The following GRIK4 variants were observed in gnomAD, a reference collection of about 807,000 sequenced individuals.
GRIK4 encodes the protein glutamate receptor ionotropic, kainate 4.
GRIK4 carries 40 observed loss-of-function variants against 104.9 expected under a neutral mutation model. The observed-to-expected ratio is 0.38, with a 90% CI of 0.30 to 0.50. The LOEUF (loss-of-function observed/expected upper bound fraction) is 0.50, where lower values mean the gene tolerates loss of function less well. Ranked by LOEUF, GRIK4 falls within the 20% of genes least tolerant of loss-of-function variation. The pLI, the probability that GRIK4 is intolerant of heterozygous loss-of-function variation, is 0.93. For synonymous variants in GRIK4, 485 were observed against 524.9 expected, an observed-to-expected ratio of 0.92 and a Z score of 1.04; for missense variants, 1,047 against 1,308.1, an observed-to-expected ratio of 0.80 and a Z score of 3.08.
chr11:120,700,410 A>G, intron 3 of GRIK4, among the ~76,000 whole-genome samples: 1 of 151,518 alleles, frequency 6.6e-6, no homozygotes, highest in Non-Finnish European at 1.5e-5. Context: ...AGTAGCTGGG[A>G]TTACAGGCAT....
chr11:120,793,210 G>A (rs1952435149), intron 3 of GRIK4, among the ~76,000 whole-genome samples: 1 of 152,170 alleles, frequency 6.6e-6, no homozygotes, highest in Non-Finnish European at 1.5e-5. Flanking sequence ...GGAAGGCAGA[G>A]TGCAGTGGGT....
intron 4 of GRIK4, among the ~76,000 whole-genome samples, chr11:120,807,376 C>T (rs1284484890): frequency 1.3e-5 from 2 of 152,206 alleles, no homozygotes; most frequent in Admixed American, 6.5e-5. Flanking sequence ...CCCTGTCAAC[C>T]CCTCCCCTGT....
chr11:120,689,048 G>A lies in GRIK4; in HGVS notation c.82+28648G>A, dbSNP rs551495150. Reference sequence around the variant, plus strand: ...CAGATGATCAATAACAATAGTCCTAGGTGCTAGGATGGAAGAAGGCCCCTG... The same window carrying A: ...CAGATGATCAATAACAATAGTCCTAAGTGCTAGGATGGAAGAAGGCCCCTG... On this transcript the variant is annotated intron_variant, in intron 3 of 20. Transcript: ENST00000527524. Among the ~76,000 whole-genome samples the A allele has an allele frequency of 3.3e-5, 5 of 152,276 alleles. 1 individual carries two copies. Among genetic ancestry groups the A allele is most frequent in the South Asian group, 4.2e-4 (2 of 4,818 alleles).
intron 8 of GRIK4, among the ~76,000 whole-genome samples, chr11:120,841,390 C>T (rs10790403): frequency 0.79 from 120,684 of 152,174 alleles, 47,947 homozygotes; most frequent in East Asian, 0.83. Flanking sequence ...TGTTTGGCTC[C>T]GTTTACTTAG....
chr11:120,655,329 A>G (rs1019494440), intron 2 of GRIK4, among the ~76,000 whole-genome samples: 1 of 152,002 alleles, frequency 6.6e-6, no homozygotes, highest in Non-Finnish European at 1.5e-5. Flanking sequence ...GGCAGAGGGC[A>G]CAGTGAAAAC....
At chr11:120,521,122 C>G (rs1240149665) in intron 1 of GRIK4, among the ~76,000 whole-genome samples, 4 of 151,994 alleles carry the variant, frequency 2.6e-5, no homozygotes, top group Admixed American at 2.6e-4. Context: ...GAGTTTCACT[C>G]TCACCCAGGC....
At chr11:120,659,685 C>T (rs1188145833) in intron 2 of GRIK4, among the ~76,000 whole-genome samples, 1 of 152,182 alleles carries the variant, frequency 6.6e-6, no homozygotes, top group Admixed American at 6.5e-5. Context: ...CTCTCCCATC[C>T]CTTCCTCTTC....
intron 3 of GRIK4, among the ~76,000 whole-genome samples, chr11:120,710,946 G>A (rs904410507): frequency 6.6e-6 from 1 of 151,368 alleles, no homozygotes; most frequent in Non-Finnish European, 1.5e-5. Flanking sequence ...AGAAGGCAGT[G>A]CAGAACTGGA....
In GRIK4 at chr11:120,513,859, C is replaced by T. The variant is rs370998761; in HGVS notation, c.-159+1972C>T. On this transcript the variant is annotated intron_variant, in intron 1 of 20. Coordinates refer to ENST00000527524, the MANE Select transcript of GRIK4 (RefSeq NM_014619.5). This position sits in a 1 kb window ranked among gnomAD's most constrained non-coding sequence, Gnocchi z 4.5. ...CATCCCCCTACCTGGGCATCTTGAT[C>T]GGTGGCTGCTGTCTTCCCCAGCAAT... Among the ~76,000 whole-genome samples, 43 of 152,298 alleles carry T rather than the reference C, an allele frequency of 2.8e-4. No homozygotes were observed. The highest frequency in any genetic ancestry group is 8.4e-4 in the African/African-American group (35 of 41,564).
intron 3 of GRIK4, among the ~76,000 whole-genome samples, chr11:120,752,294 C>G (rs1333365659): frequency 6.6e-6 from 1 of 152,238 alleles, no homozygotes; most frequent in Non-Finnish European, 1.5e-5. Flanking sequence ...AGCCACAACT[C>G]TACTTGCAGA....
chr11:120,636,166 G>A (rs1949394238), intron 1 of GRIK4, among the ~76,000 whole-genome samples: 1 of 152,192 alleles, frequency 6.6e-6, no homozygotes, highest in African/African-American at 2.4e-5. Context: ...TATGGTTGGT[G>A]GACATTTGGA....
chr11:120,654,203 C>T (rs113310120), intron 2 of GRIK4, among the ~76,000 whole-genome samples: 1,697 of 152,296 alleles, frequency 0.011, 26 homozygotes, highest in African/African-American at 0.035. Flanking sequence ...TGGTTAGACA[C>T]ATACTTCAAT....
intron 3 of GRIK4, among the ~76,000 whole-genome samples, chr11:120,696,701 T>G (rs1591812727): frequency 6.6e-6 from 1 of 151,498 alleles, no homozygotes; most frequent in Non-Finnish European, 1.5e-5. Flanking sequence ...AGGATGAGGG[T>G]CTGGCCAAGG....
intron 11 of GRIK4, among the ~76,000 whole-genome samples, chr11:120,883,963 G>A (rs549954095): frequency 6.6e-6 from 1 of 152,282 alleles, no homozygotes; most frequent in African/African-American, 2.4e-5. Flanking sequence ...GATGGGAGGT[G>A]GGCCAGGCCA....
In GRIK4 at chr11:120,524,983, T is replaced by C. The variant is rs182000253; in HGVS notation, c.-159+13096T>C. ...CTGGAGCCCATCAGGGGCTGCACCATGAATGCCCAGTGACTCTGGACCTCC... is the reference window on the plus strand; with the variant it reads ...CTGGAGCCCATCAGGGGCTGCACCACGAATGCCCAGTGACTCTGGACCTCC... On this transcript the variant is annotated intron_variant, in intron 1 of 20. Transcript: ENST00000527524. This position sits in a 1 kb window ranked among gnomAD's most constrained non-coding sequence, Gnocchi z 4.5. Among the ~76,000 whole-genome samples the C allele has an allele frequency of 1.2e-3, 185 of 152,220 alleles. 1 individual carries two copies. Among genetic ancestry groups the C allele is most frequent in the African/African-American group, 4.3e-3 (180 of 41,536 alleles).
intron 1 of GRIK4, among the ~76,000 whole-genome samples, chr11:120,578,854 G>A (rs1021554066): frequency 2.0e-5 from 3 of 152,220 alleles, no homozygotes; most frequent in Non-Finnish European, 4.4e-5. Context: ...CAGAGACGGA[G>A]GTGGGGAGGG....
chr11:120,628,089 G>A (rs1392001408), intron 1 of GRIK4, among the ~76,000 whole-genome samples: 2 of 152,212 alleles, frequency 1.3e-5, no homozygotes, highest in Non-Finnish European at 2.9e-5. Flanking sequence ...GGCAGCCTGT[G>A]CCGGGGTGCT....
intron 7 of GRIK4, among the ~76,000 whole-genome samples, chr11:120,835,063 T>C (rs1404872804): frequency 2.0e-5 from 3 of 152,172 alleles, no homozygotes; most frequent in African/African-American, 4.8e-5. Context: ...GGAGGAAATA[T>C]AGCTTGGCCT....
chr11:120,650,501 C>G (rs142932611), intron 1 of GRIK4, among the ~76,000 whole-genome samples: 8 of 152,348 alleles, frequency 5.3e-5, no homozygotes, highest in Non-Finnish European at 1.2e-4. Context: ...TCGCATCCCC[C>G]CTCCCAGACC....
Sources: gnomAD v4.1 joint callset for allele counts (sites outside exome capture counted in the v4.1 genomes callset) on GRCh38, gnomAD v4.1.1 for gene constraint, Gnocchi (gnomAD v3.1) non-coding constraint, MANE v1.5 for transcripts, NCBI Gene and HGNC (gene_info 2026-07-23, HGNC 2026-07-21) for gene names.